The following RNASEH1 variants were observed in gnomAD, a reference collection of about 807,000 sequenced individuals.
RNASEH1 encodes ribonuclease H type II.
RNASEH1 carries 27 observed loss-of-function variants against 34.6 expected under a neutral mutation model. That is an observed-to-expected ratio of 0.78 (90% confidence interval 0.58 to 1.08). RNASEH1 has a LOEUF of 1.08. Ranked by LOEUF, RNASEH1 falls within the 50% of genes least tolerant of loss-of-function variation. The pLI, the probability that RNASEH1 is intolerant of heterozygous loss-of-function variation, is 0.00. For missense variants in RNASEH1, 349 were observed against 373.6 expected, an observed-to-expected ratio of 0.93 and a Z score of 0.54; for synonymous variants, 162 against 138.4, an observed-to-expected ratio of 1.17 and a Z score of -1.20.
At chr2:3,548,781 A>G (rs1420657700) in intron 5 of RNASEH1, 57 bp from the exon 6 acceptor site, 13 of 1,241,314 alleles carry the variant, frequency 1.0e-5, no homozygotes, top group South Asian at 2.4e-5. Context: ...TGACATTACT[A>G]AAGTTCAAAA....
the RNASEH1 span, among the ~76,000 whole-genome samples, chr2:3,532,617 T>A: frequency 6.6e-6 from 1 of 152,152 alleles, no homozygotes; most frequent in Non-Finnish European, 1.5e-5. Context: ...CAGGCAACTG[T>A]CACACAATGG....
chr2:3,540,147 A>G (rs906506911), downstream of RNASEH1, among the ~76,000 whole-genome samples: 3 of 152,186 alleles, frequency 2.0e-5, no homozygotes, highest in African/African-American at 4.8e-5. Flanking sequence ...CACCAGTTGA[A>G]AGCTTATATA....
At chr2:3,531,908 A>C in the RNASEH1 span, 1 of 219,578 alleles carries the variant, frequency 4.6e-6, no homozygotes, top group Non-Finnish European at 9.0e-6. Context: ...TATTTGTGCT[A>C]TAAGTACAAT....
intron 4 of RNASEH1, 170 bp downstream of exon 4, chr2:3,550,203 A>C: frequency 1.6e-6 from 1 of 641,182 alleles, no homozygotes; most frequent in Non-Finnish European, 2.8e-6. Flanking sequence ...TCACGTTCTG[A>C]AAAGCAATGC....
At chr2:3,538,407 C>T (rs757737886), downstream of RNASEH1, among the ~76,000 whole-genome samples, 2 of 151,804 alleles carry the variant, frequency 1.3e-5, no homozygotes, top group African/African-American at 4.8e-5. Flanking sequence ...CATACAAAGA[C>T]GCACACCCCA....
intron 2 of RNASEH1, among the ~76,000 whole-genome samples, chr2:3,554,943 T>C (rs781561680): frequency 5.9e-5 from 9 of 152,214 alleles, no homozygotes; most frequent in African/African-American, 1.7e-4. Flanking sequence ...AACATCCCCA[T>C]AGTGGTATCG....
chr2:3,537,031 C>A (rs867411444), downstream of RNASEH1, among the ~76,000 whole-genome samples: 1 of 152,244 alleles, frequency 6.6e-6, no homozygotes, highest in African/African-American at 2.4e-5. Context: ...AGAGGCCCCT[C>A]TCCAAATGGC....
At chr2:3,551,921 T>C (rs1417527649) in intron 3 of RNASEH1, among the ~76,000 whole-genome samples, 2 of 152,374 alleles carry the variant, frequency 1.3e-5, no homozygotes, top group East Asian at 3.9e-4. Context: ...AAGATTACAG[T>C]TGTTCATTTA....
intron 4 of RNASEH1, chr2:3,550,162 A>G: frequency 4.2e-6 from 2 of 481,248 alleles, no homozygotes; most frequent in Non-Finnish European, 7.6e-6. Context: ...AAAAAAAAAA[A>G]AAAAAGCAAA....
intron 2 of RNASEH1, 150 bp downstream of exon 2, chr2:3,556,639 G>A: frequency 1.6e-6 from 1 of 610,124 alleles, no homozygotes; most frequent in East Asian, 2.8e-5. Flanking sequence ...ATTTGTAACT[G>A]CTTTCAGTCT....
rs1668361790 is a variant in RNASEH1 at position 3,542,194 on chromosome 2, T to C, written c.*3591A>G. On this transcript the variant is annotated 3_prime_UTR_variant, in exon 8 of 8. Transcript: ENST00000315212. Reference sequence around the variant, plus strand: ...AACACTAAACTCCAGTTCAAGCAAATCTTCTTAAAATAACAGATATGAAGT... The same window carrying C: ...AACACTAAACTCCAGTTCAAGCAAACCTTCTTAAAATAACAGATATGAAGT... 6.6e-6 allele frequency among the ~76,000 whole-genome samples: 1 copy of C among 151,932 alleles called. No individual in the cohort carries two copies. The highest frequency in any genetic ancestry group is 2.4e-5 in the African/African-American group (1 of 41,348).
Position 3,545,498 on chromosome 2 carries a change from T to G in RNASEH1, c.*287A>C, listed in dbSNP as rs1668661531. 2.7e-6 allele frequency: 1 copy of G among 376,188 alleles called. No individual in the cohort carries two copies. Among genetic ancestry groups the G allele is most frequent in the African/African-American group, 2.0e-5 (1 of 49,778 alleles). The allele number at this position is 376,188 out of a possible 1,614,324, so 23.3% of individuals were successfully genotyped here. On this transcript the variant is annotated 3_prime_UTR_variant, in exon 8 of 8. Coordinates refer to ENST00000315212, the MANE Select transcript of RNASEH1 (RefSeq NM_002936.6). ...TATAAGCCACAGCATTTTAGGCCAT[T>G]TGCCTTGCTTGCCTGCAATAAAACA...
At chr2:3,557,860 G>C in intron 1 of RNASEH1, 2 of 1,455,182 alleles carry the variant, frequency 1.4e-6, no homozygotes, top group Non-Finnish European at 1.8e-6. Context: ...CAAAGATGGA[G>C]GATTAAACAC....
chr2:3,550,415 G>C lies in RNASEH1; in HGVS notation c.467C>G (p.Pro156Arg), dbSNP rs200162792. Reference protein sequence around the residue: ...GCCSSNGRRRPRAGIGVYWGP... With the variant: ...GCCSSNGRRRRRAGIGVYWGP... ...CCAGTAAACGCCGATTCCTGCTCGC[G>C]GCCTTCTACGCCCATTACTGGAGCA... is the stretch of plus-strand genomic sequence containing the variant. Residue 156 changes from proline to arginine, a missense_variant, in exon 4 of 8, where the codon CCG becomes CGG. Around this residue, in one of 2 missense-constraint regions of RNASEH1, gnomAD observed 256 missense variants for 240.7 expected, o/e 1.06. Coordinates refer to ENST00000315212, the MANE Select transcript of RNASEH1 (RefSeq NM_002936.6). 1 of 1,614,062 alleles carries C rather than the reference G, an allele frequency of 6.2e-7. No individual in the cohort carries two copies. Among genetic ancestry groups the C allele is most frequent in the Non-Finnish European group, 8.5e-7 (1 of 1,179,984 alleles).
At chr2:3,547,377 T>C (rs1021140439) in intron 7 of RNASEH1, among the ~76,000 whole-genome samples, 2 of 152,110 alleles carry the variant, frequency 1.3e-5, no homozygotes, top group African/African-American at 4.8e-5. Context: ...AGTCTCCCCA[T>C]GTTATCCAGG....
At chr2:3,547,813 A>T in intron 7 of RNASEH1, 118 bp downstream of exon 7, 1 of 1,006,104 alleles carries the variant, frequency 9.9e-7, no homozygotes, top group Non-Finnish European at 1.5e-6. Flanking sequence ...ATACATTATG[A>T]TATTAATATC....
At chr2:3,535,115 C>T in the RNASEH1 span, among the ~76,000 whole-genome samples, 1 of 152,086 alleles carries the variant, frequency 6.6e-6, no homozygotes, top group Non-Finnish European at 1.5e-5. Context: ...CTGAACTGCA[C>T]ACTTAAAAAC....
At position 3,558,196 on chromosome 2, in the gene RNASEH1, G is replaced by C. The variant is rs1293548358; in HGVS notation, c.65C>G (p.Ser22Cys). 2 of 1,601,904 alleles carry C rather than the reference G, an allele frequency of 1.2e-6. No homozygotes were observed. Among genetic ancestry groups the C allele is most frequent in the Non-Finnish European group, 1.7e-6 (2 of 1,175,976 alleles). ...ALAALPCRRG[S>C]RGFGMFYAVR... ...GGCATAGAACATCCCGAACCCGCGA[G>C]AGCCGCGGCGGCAGGGCAAGGCGGC... is the stretch of plus-strand genomic sequence containing the variant. Residue 22 changes from serine (S) to cysteine (C), a missense_variant, in exon 1 of 8, where the codon TCT becomes TGT. Around this residue, in one of 2 missense-constraint regions of RNASEH1, gnomAD observed 256 missense variants for 240.7 expected, o/e 1.06. Coordinates refer to ENST00000315212, the MANE Select transcript of RNASEH1 (RefSeq NM_002936.6).
chr2:3,556,026 T>C (rs757741310), intron 2 of RNASEH1, among the ~76,000 whole-genome samples: 13 of 151,902 alleles, frequency 8.6e-5, no homozygotes, highest in Non-Finnish European at 1.8e-4. Flanking sequence ...ATACAAAAAT[T>C]AGCCGGGCGT....
Sources: allele counts gnomAD v4.1 joint callset (sites outside exome capture counted in the v4.1 genomes callset), GRCh38; gene constraint gnomAD v4.1.1; regional missense constraint gnomAD v4.1.1; transcripts MANE v1.5; gene names NCBI Gene and HGNC (gene_info 2026-07-23, HGNC 2026-07-21).